ZKSCAN5: variants seen among roughly 807,000 people sequenced by gnomAD.
The protein encoded by ZKSCAN5 is zinc finger protein with KRAB and SCAN domains 5.
In ZKSCAN5, 28 loss-of-function variants were observed where a neutral mutation model predicts 60.0. That is an observed-to-expected ratio of 0.47 (90% confidence interval 0.35 to 0.64). The LOEUF (loss-of-function observed/expected upper bound fraction) is 0.64, where lower values mean the gene tolerates loss of function less well. Ranked by LOEUF, ZKSCAN5 falls within the 30% of genes least tolerant of loss-of-function variation. The probability of loss-of-function intolerance (pLI) is 0.01; values close to 1 mark genes in which losing one functional copy is unlikely to be tolerated. For missense variants in ZKSCAN5, 881 were observed against 1,034.6 expected, an observed-to-expected ratio of 0.85 and a Z score of 2.04; for synonymous variants, 361 against 371.2, an observed-to-expected ratio of 0.97 and a Z score of 0.31.
Position 99,533,596 on chromosome 7 carries a change from G to C in ZKSCAN5, c.*1347G>C, listed in dbSNP as rs1802146756. ...CTGGAGAATTGCCCTCAGGAGATGA[G>C]AGCCATCTCACCTCACCCAGGAGTC... is the stretch of plus-strand genomic sequence containing the variant. On this transcript the variant is annotated 3_prime_UTR_variant, in exon 7 of 7. Transcript: ENST00000326775. 2 of 408,082 alleles carry C rather than the reference G, an allele frequency of 4.9e-6. No individual in the cohort carries two copies. Among genetic ancestry groups the C allele is most frequent in the Non-Finnish European group, 8.6e-6 (2 of 231,574 alleles). 25.3% of individuals were successfully genotyped at this position (408,082 alleles called of 1,614,324 possible).
intron 2 of ZKSCAN5, among the ~76,000 whole-genome samples, chr7:99,508,725 G>A (rs987601934): frequency 6.6e-6 from 1 of 150,660 alleles, no homozygotes; most frequent in African/African-American, 2.4e-5. Context: ...CTCCAGCCTG[G>A]GCGATGGAGC....
At position 99,506,028 on chromosome 7, in the gene ZKSCAN5, C is replaced by G; in HGVS notation, c.-17C>G. On this transcript the variant is annotated 5_prime_UTR_variant, in exon 2 of 7. Coordinates refer to ENST00000326775, the MANE Select transcript of ZKSCAN5 (RefSeq NM_145102.4). ...AGTGTAACACAGCCAGCCTCGAAGA[C>G]TTCCCTCTGAGTTGGAATGATAATG... is the stretch of plus-strand genomic sequence containing the variant. 6.2e-7 allele frequency: 1 copy of G among 1,606,462 alleles called. No individual in the cohort carries two copies. Among genetic ancestry groups the G allele is most frequent in the Non-Finnish European group, 8.5e-7 (1 of 1,175,048 alleles).
At chr7:99,512,141 A>G (rs1052184887) in intron 2 of ZKSCAN5, among the ~76,000 whole-genome samples, 26 of 152,070 alleles carry the variant, frequency 1.7e-4, no homozygotes, top group Non-Finnish European at 1.5e-5. Context: ...TCCTCCAGAA[A>G]GCCTTCCCTG....
At chr7:99,507,254 A>G (rs987833794) in intron 2 of ZKSCAN5, among the ~76,000 whole-genome samples, 2 of 152,056 alleles carry the variant, frequency 1.3e-5, no homozygotes, top group African/African-American at 2.4e-5. Context: ...CGCCACTGCC[A>G]TTGCAGCTAT....
rs565654733 is a variant in ZKSCAN5, at chr7:99,521,413, G to T, written c.772+1109G>T. Among the ~76,000 whole-genome samples the T allele has an allele frequency of 2.6e-5, 4 of 152,186 alleles. No homozygotes were observed. In the South Asian group the frequency reaches 8.3e-4, roughly 32 times the overall value. ...GGGTTTCACCATATTGGCCAGGCTG[G>T]TCTCAAACTCCTGACCTCGTGATCT... is the stretch of plus-strand genomic sequence containing the variant. On this transcript the variant is annotated intron_variant, in intron 5 of 6. Coordinates refer to ENST00000326775, the MANE Select transcript of ZKSCAN5 (RefSeq NM_145102.4).
At chr7:99,517,255 G>C (rs1801305810) in intron 3 of ZKSCAN5, among the ~76,000 whole-genome samples, 1 of 152,042 alleles carries the variant, frequency 6.6e-6, no homozygotes, top group South Asian at 2.1e-4. Context: ...GTAGAGATGG[G>C]GTTTCTCCAC....
At chr7:99,512,900 A>G (rs1041393253) in intron 3 of ZKSCAN5, among the ~76,000 whole-genome samples, 7 of 151,576 alleles carry the variant, frequency 4.6e-5, no homozygotes, top group African/African-American at 1.7e-4. Context: ...ATATGTATAC[A>G]TGTGCCATGC....
In ZKSCAN5 at chr7:99,532,145, T is replaced by C; in HGVS notation, c.2416T>C (p.Cys806Arg). ...TGEKPFQCKE[C>R]GMNFSWSCSL... The stretch of plus-strand genomic sequence containing the variant: ...TGAGAAACCTTTTCAATGTAAAGAA[T>C]GTGGAATGAATTTCAGCTGGAGTTG... Residue 806 changes from cysteine (C) to arginine (R), a missense_variant, in exon 7 of 7, where the codon TGT becomes CGT. Around this residue, in one of 5 missense-constraint regions of ZKSCAN5, gnomAD observed 138 missense variants for 143.8 expected, o/e 0.96. Transcript: ENST00000326775. The C allele has an allele frequency of 2.5e-6, 4 of 1,613,958 alleles. No individual in the cohort carries two copies. The highest frequency in any genetic ancestry group is 2.5e-6 in the Non-Finnish European group (3 of 1,180,034).
intron 6 of ZKSCAN5, among the ~76,000 whole-genome samples, chr7:99,530,488 A>G (rs1285838787): frequency 6.6e-6 from 1 of 150,786 alleles, no homozygotes; most frequent in African/African-American, 2.4e-5. Context: ...TCTCCATGTC[A>G]TTTGCCTACT....
At chr7:99,530,743 C>T (rs1391985235) in intron 6 of ZKSCAN5, among the ~76,000 whole-genome samples, 1 of 152,106 alleles carries the variant, frequency 6.6e-6, no homozygotes. Flanking sequence ...TTTTTTATGA[C>T]AGTTTATTTT....
Position 99,532,399 on chromosome 7 carries a change from C to T in ZKSCAN5, c.*150C>T, listed in dbSNP as rs773316873. The stretch of plus-strand genomic sequence containing the variant: ...GTTATAACTCAGCCTTTAGGAACAC[C>T]GGAGAACCCACAATAATAGAAATCT... On this transcript the variant is annotated 3_prime_UTR_variant, in exon 7 of 7. Transcript: ENST00000326775. 17 of 638,492 alleles carry T rather than the reference C, an allele frequency of 2.7e-5. 1 individual carries two copies. The highest frequency in any genetic ancestry group is 3.7e-4 in the Middle Eastern group (1 of 2,730). 39.6% of individuals were successfully genotyped at this position (638,492 alleles called of 1,614,324 possible).
At position 99,532,324 on chromosome 7, in the gene ZKSCAN5, G is replaced by A. The variant is rs1213129394; in HGVS notation, c.*75G>A. On this transcript the variant is annotated 3_prime_UTR_variant, in exon 7 of 7. Transcript: ENST00000326775. ...ATAATGAGCAAAGTAACAACTTCAA[G>A]CATTTTTCCAGCGTTACCATCAAAC... 1 of 1,410,422 alleles carries A rather than the reference G, an allele frequency of 7.1e-7. No homozygotes were observed. Among genetic ancestry groups the A allele is most frequent in the East Asian group, 2.3e-5 (1 of 42,892 alleles). 87.4% of individuals were successfully genotyped at this position (1,410,422 alleles called of 1,614,324 possible).
At chr7:99,525,752 C>T in intron 5 of ZKSCAN5, 61 bp from the exon 6 acceptor site, 1 of 1,544,172 alleles carries the variant, frequency 6.5e-7, no homozygotes, top group Non-Finnish European at 8.7e-7. Flanking sequence ...ATTATCCCCT[C>T]ATTTTATTTC....
chr7:99,508,535 T>C (rs375508304), intron 2 of ZKSCAN5, among the ~76,000 whole-genome samples: 1 of 151,548 alleles, frequency 6.6e-6, no homozygotes, highest in Non-Finnish European at 1.5e-5. Flanking sequence ...GGGTGGATCA[T>C]GGGGTCAGAT....
intron 2 of ZKSCAN5, among the ~76,000 whole-genome samples, chr7:99,511,701 C>T (rs1018530516): frequency 3.3e-5 from 5 of 152,164 alleles, no homozygotes; most frequent in African/African-American, 7.2e-5. Flanking sequence ...CTTCAGCCTC[C>T]GAAAGTGTTG....
rs1031859515 is a variant in ZKSCAN5, at chr7:99,507,541, A to G, written c.414+1083A>G. ...TATATATGTATATGTGTATATATAT[A>G]TGTATATATATGTATATATATGTGT... On this transcript the variant is annotated intron_variant, in intron 2 of 6. Transcript: ENST00000326775. Among the ~76,000 whole-genome samples, 117 of 142,024 alleles carry G rather than the reference A, an allele frequency of 8.2e-4. 2 individuals carry two copies. The highest frequency in any genetic ancestry group is 4.3e-3 in the Admixed American group (61 of 14,202). 93.2% of individuals were successfully genotyped at this position (142,024 alleles called of 152,430 possible).
At chr7:99,516,151 T>G (rs1249621043) in intron 3 of ZKSCAN5, among the ~76,000 whole-genome samples, 1 of 152,018 alleles carries the variant, frequency 6.6e-6, no homozygotes, top group Non-Finnish European at 1.5e-5. Flanking sequence ...CCACATCTGG[T>G]CTTTGCTTCA....
Position 99,531,479 on chromosome 7 carries a change from A to G in ZKSCAN5, c.1750A>G (p.Lys584Glu). 6.2e-7 allele frequency: 1 copy of G among 1,614,234 alleles called. No homozygotes were observed. The highest frequency in any genetic ancestry group is 1.7e-5 in the Admixed American group (1 of 60,022). Residue 584 changes from lysine (K) to glutamate (E), a missense_variant, in exon 7 of 7, where the codon AAA becomes GAA. Around this residue, in one of 5 missense-constraint regions of ZKSCAN5, gnomAD observed 112 missense variants for 182.4 expected, o/e 0.61. Coordinates refer to ENST00000326775, the MANE Select transcript of ZKSCAN5 (RefSeq NM_145102.4). ...EKPFRCEECG[K>E]SYNQRVHLTQ... Reference sequence around the variant, plus strand: ...ACCATTCAGGTGTGAGGAATGTGGGAAAAGCTACAACCAACGCGTGCACCT... The same window carrying G: ...ACCATTCAGGTGTGAGGAATGTGGGGAAAGCTACAACCAACGCGTGCACCT...
chr7:99,524,566 A>T (rs994658896), intron 5 of ZKSCAN5, among the ~76,000 whole-genome samples: 1 of 152,172 alleles, frequency 6.6e-6, no homozygotes, highest in African/African-American at 2.4e-5. Context: ...CCATATTAAA[A>T]CATCAGTGTT....
Sources: gnomAD v4.1 joint callset for allele counts (sites outside exome capture counted in the v4.1 genomes callset) on GRCh38, gnomAD v4.1.1 for gene constraint, gnomAD v4.1.1 regional missense constraint, MANE v1.5 for transcripts, NCBI Gene and HGNC (gene_info 2026-07-23, HGNC 2026-07-21) for gene names.